The following LRRC37A2 variants were observed in gnomAD, a reference collection of about 807,000 sequenced individuals.
LRRC37A2 encodes the protein leucine rich repeat containing 37 member A2.
Under a neutral mutation model 68.8 loss-of-function variants are expected in LRRC37A2, and 9 were observed. The ratio of observed to expected loss-of-function variants is 0.13; its 90% confidence interval spans 0.08 to 0.23. The LOEUF (loss-of-function observed/expected upper bound fraction) is 0.23. Ranked by LOEUF, LRRC37A2 falls within the 10% of genes least tolerant of loss-of-function variation. The pLI, the probability that LRRC37A2 is intolerant of heterozygous loss-of-function variation, is 1.00. For missense variants in LRRC37A2, 168 were observed against 950.4 expected (o/e 0.18, Z 10.82); for synonymous variants, 63 against 367.6 (o/e 0.17, Z 9.48).
At chr17:47,018,992 T>A in the LRRC37A2 span, 1 of 1,511,404 alleles carries the variant, frequency 6.6e-7, no homozygotes, top group Non-Finnish European at 9.2e-7. Context: ...AAGCTCAGCA[T>A]CCAGTGTCAC....
chr17:46,766,634 G>A, the LRRC37A2 span, among the ~76,000 whole-genome samples: 1 of 152,054 alleles, frequency 6.6e-6, no homozygotes, highest in Non-Finnish European at 1.5e-5. Context: ...TACACCGAGG[G>A]GCTTCCTAGA....
intron 11 of LRRC37A2, among the ~76,000 whole-genome samples, chr17:46,551,206 C>A (rs2056776107): frequency 6.7e-6 from 1 of 149,052 alleles, no homozygotes; most frequent in African/African-American, 2.6e-5. Context: ...ATCAACTTAC[C>A]TAAAGCCTAC....
At chr17:46,792,678 T>C in the LRRC37A2 span, among the ~76,000 whole-genome samples, 1 of 152,168 alleles carries the variant, frequency 6.6e-6, no homozygotes, top group African/African-American at 2.4e-5. Context: ...TTCACTATGT[T>C]GACCAGGCTA....
chr17:46,390,320 G>C, the LRRC37A2 span, among the ~76,000 whole-genome samples: 1 of 86,696 alleles, frequency 1.2e-5, no homozygotes, highest in East Asian at 2.3e-4. Flanking sequence ...GTTGGGGGCA[G>C]TGGGGAGTGC....
the LRRC37A2 span, among the ~76,000 whole-genome samples, chr17:46,748,538 G>A: frequency 6.6e-6 from 1 of 152,196 alleles, no homozygotes; most frequent in African/African-American, 2.4e-5. Flanking sequence ...TTCTGAGGAA[G>A]CTTTTGGGTA....
At chr17:46,871,353 C>CATCT in the LRRC37A2 span, among the ~76,000 whole-genome samples, 7 of 152,312 alleles carry the variant, frequency 4.6e-5, no homozygotes, top group Admixed American at 1.3e-4. Flanking sequence ...CCAGCAGAGC[C>CATCT]ATCTCACAGA....
At chr17:47,007,653 G>A in the LRRC37A2 span, among the ~76,000 whole-genome samples, 1 of 152,140 alleles carries the variant, frequency 6.6e-6, no homozygotes, top group Admixed American at 6.5e-5. Context: ...TTAGTATCAC[G>A]TGTAGGAATG....
chr17:46,720,019 C>G, the LRRC37A2 span, among the ~76,000 whole-genome samples: 2 of 152,110 alleles, frequency 1.3e-5, no homozygotes, highest in African/African-American at 4.8e-5. Flanking sequence ...CCTGTAAATC[C>G]CACTGCAAAT....
At chr17:46,907,341 C>T in the LRRC37A2 span, among the ~76,000 whole-genome samples, 4 of 151,998 alleles carry the variant, frequency 2.6e-5, no homozygotes, top group African/African-American at 9.7e-5. Context: ...ATGCTCTGGA[C>T]CCACCTGGTA....
chr17:46,991,941 CA>C, the LRRC37A2 span, among the ~76,000 whole-genome samples: 2 of 152,184 alleles, frequency 1.3e-5, no homozygotes, highest in Admixed American at 1.3e-4. Context: ...TAGCTCTTTA[CA>C]GAAAAAAGTT....
At chr17:46,859,291 C>G in the LRRC37A2 span, among the ~76,000 whole-genome samples, 3,743 of 152,234 alleles carry the variant, frequency 0.025, 156 homozygotes, top group African/African-American at 0.086. Context: ...TAGCTTTTAC[C>G]CTTAAGTCTA....
At chr17:46,868,398 C>T in the LRRC37A2 span, among the ~76,000 whole-genome samples, 1 of 151,846 alleles carries the variant, frequency 6.6e-6, no homozygotes, top group African/African-American at 2.4e-5. Flanking sequence ...TCAAGACCAG[C>T]CTAGCCAACA....
At chr17:47,006,251 C>A in the LRRC37A2 span, among the ~76,000 whole-genome samples, 1 of 152,258 alleles carries the variant, frequency 6.6e-6, no homozygotes, top group East Asian at 1.9e-4. Flanking sequence ...GTCCTTCGAG[C>A]TGGCAAGAGG....
chr17:46,548,823 A>C lies in LRRC37A2; in HGVS notation c.3684A>C (p.Gly1228=), dbSNP rs779695534. ...AGCAGGGGCCTGAGAAGTTAGCGGG[A>C]AACGCCGTCTACACCAAGCCTTCCT... The change falls in exon 10 of 15, where the codon GGA becomes GGC. Residue 1228 remains glycine, a synonymous_variant. Transcript: ENST00000576629. 1.5e-5 allele frequency: 24 copies of C among 1,611,996 alleles called. No individual in the cohort carries two copies. The South Asian group carries it at 2.3e-4, about 15-fold the overall frequency.
the LRRC37A2 span, among the ~76,000 whole-genome samples, chr17:46,850,470 C>T: frequency 6.6e-6 from 1 of 152,174 alleles, no homozygotes; most frequent in East Asian, 1.9e-4. Context: ...TCTCTCAGCC[C>T]CCTACCATGC....
the LRRC37A2 span, among the ~76,000 whole-genome samples, chr17:46,907,855 TAA>T: frequency 7.0e-6 from 1 of 143,712 alleles, no homozygotes; most frequent in African/African-American, 2.6e-5. Flanking sequence ...GACCCTGTCT[TAA>T]AAAAAAAAAG....
chr17:46,834,927 C>G, the LRRC37A2 span, among the ~76,000 whole-genome samples: 4 of 152,178 alleles, frequency 2.6e-5, no homozygotes, highest in African/African-American at 9.7e-5. Flanking sequence ...TGTCAGTGTT[C>G]CTCCCCCAGG....
the LRRC37A2 span, among the ~76,000 whole-genome samples, chr17:46,900,188 T>TAC: frequency 7.5e-3 from 864 of 115,364 alleles, 19 homozygotes; most frequent in African/African-American, 0.02. Context: ...TATATATATA[T>TAC]ATATATATAT....
At chr17:46,609,780 T>C in the LRRC37A2 span, among the ~76,000 whole-genome samples, 3 of 143,708 alleles carry the variant, frequency 2.1e-5, no homozygotes, top group African/African-American at 2.6e-5. Context: ...GCATTGAAGA[T>C]GTGCAGTTTA....
Sources: gnomAD v4.1 joint callset for allele counts (sites outside exome capture counted in the v4.1 genomes callset) on GRCh38, gnomAD v4.1.1 for gene constraint, MANE v1.5 for transcripts, NCBI Gene and HGNC (gene_info 2026-07-23, HGNC 2026-07-21) for gene names.